Variants in ABCF3 observed in about 807,000 individuals in gnomAD.
The protein encoded by ABCF3 is ATP binding cassette subfamily F member 3, also known as ATP-binding cassette sub-family F member 3.
A neutral mutation model predicts 94.3 loss-of-function variants in ABCF3; 62 were observed. The observed-to-expected ratio is 0.66, with a 90% CI of 0.54 to 0.81. The LOEUF (loss-of-function observed/expected upper bound fraction) is 0.81. Among genes scored for constraint, ABCF3 ranks in the 40% least tolerant of loss-of-function variants. The pLI is 0.00. For synonymous variants in ABCF3, 355 were observed against 361.1 expected (o/e 0.98, Z 0.19); for missense variants, 843 against 925.3 (o/e 0.91, Z 1.15).
At chr3:184,187,242 TG>T (rs1314254785) in intron 3 of ABCF3, 154 bp from the exon 4 acceptor site, 10 of 849,206 alleles carry the variant, frequency 1.2e-5, no homozygotes, top group Non-Finnish European at 1.1e-5. Flanking sequence ...TGTTTTGTTT[TG>T]TTTTTAGTGC....
At chr3:184,186,349 C>T (rs557659623) in intron 1 of ABCF3, 69 bp downstream of exon 1, 1 of 1,606,828 alleles carries the variant, frequency 6.2e-7, no homozygotes, top group Middle Eastern at 1.7e-4. Flanking sequence ...AAGCGAGCGT[C>T]GTGCCCGGGA....
At chr3:184,190,811 A>C (rs1382429911) in intron 14 of ABCF3, 188 bp from the exon 15 acceptor site, 1 of 666,530 alleles carries the variant, frequency 1.5e-6, no homozygotes, top group African/African-American at 1.8e-5. Flanking sequence ...GTAACTGGGG[A>C]TAAAAAGTCA....
chr3:184,192,511 C>A, intron 16 of ABCF3, 90 bp from the exon 17 acceptor site: 2 of 1,233,216 alleles, frequency 1.6e-6, no homozygotes, highest in Non-Finnish European at 2.3e-6. Context: ...CTTCTATGTG[C>A]TCAACACTTT....
Position 184,187,283 on chromosome 3 carries a change from A to T in ABCF3, c.302-114A>T, listed in dbSNP as rs542586787. On this transcript the variant is annotated intron_variant, in intron 3 of 20. Transcript: ENST00000429586. ...AAGATAATAGCCATCTATCTGCAGT[A>T]TTATAAGGTTTTGTAGAAAACATCT... is the stretch of plus-strand genomic sequence containing the variant. 2.5e-5 allele frequency: 29 copies of T among 1,177,918 alleles called. No homozygotes were observed. The highest frequency in any genetic ancestry group is 3.6e-5 in the Non-Finnish European group (29 of 801,972). 73.0% of individuals were successfully genotyped at this position (1,177,918 alleles called of 1,614,324 possible).
rs766288163 is a variant in ABCF3, at chr3:184,187,446, G to A, written c.348+3G>A. ...TGCTAAAGAGGGAACAGTCCTCGGT[G>A]AGGAGGAGGAAGCAAGGGAGGGGAC... On this transcript the variant is annotated splice_donor_region_variant and intron_variant, in intron 4 of 20. Transcript: ENST00000429586. 4.3e-6 allele frequency: 7 copies of A among 1,612,956 alleles called. No individual in the cohort carries two copies. The South Asian group carries it at 5.5e-5, about 13-fold the overall frequency.
chr3:184,190,897 AG>A (rs1248487828), intron 14 of ABCF3, 101 bp from the exon 15 acceptor site: 2 of 1,320,534 alleles, frequency 1.5e-6, no homozygotes, highest in East Asian at 5.0e-5. Context: ...CCTGAGTGGT[AG>A]GAGTACAAGC....
Position 184,191,212 on chromosome 3 carries a change from G to T in ABCF3, c.1526G>T (p.Ser509Ile), listed in dbSNP as rs773011089. 17 of 1,614,106 alleles carry T rather than the reference G, an allele frequency of 1.1e-5. No homozygotes were observed. The highest frequency in any genetic ancestry group is 5.0e-5 in the Admixed American group (3 of 60,006). Reference sequence around the variant, plus strand: ...TACGATCCGAAGCACGTCATCTTCAGTCGCCTCTCTGTGTCTGCTGATCTC... The same window carrying T: ...TACGATCCGAAGCACGTCATCTTCATTCGCCTCTCTGTGTCTGCTGATCTC... The part of the protein sequence containing the change: ...FYYDPKHVIF[S>I]RLSVSADLES... Residue 509 changes from serine (S) to isoleucine (I), a missense_variant, in exon 16 of 21, where the codon AGT (serine) becomes ATT (isoleucine). Physicochemically the swap from Ser to Ile is moderately radical, Grantham distance 142. Coordinates refer to ENST00000429586, the MANE Select transcript of ABCF3 (RefSeq NM_018358.3).
intron 4 of ABCF3, 96 bp downstream of exon 4, chr3:184,187,539 C>T: frequency 6.5e-7 from 1 of 1,541,090 alleles, no homozygotes; most frequent in South Asian, 1.1e-5. Flanking sequence ...CTGACTATGT[C>T]TTTTCCTGAG....
In ABCF3 at chr3:184,187,765, A is replaced by G. The variant is rs780503051; in HGVS notation, c.446+4A>G. 6.2e-7 allele frequency: 1 copy of G among 1,614,176 alleles called. No homozygotes were observed. The highest frequency in any genetic ancestry group is 1.7e-5 in the Admixed American group (1 of 60,024). On this transcript the variant is annotated splice_donor_region_variant and intron_variant, in intron 5 of 20. Coordinates refer to ENST00000429586, the MANE Select transcript of ABCF3 (RefSeq NM_018358.3). ...CGCTCAAGACCAGCAACCCTCTGTG[A>G]GTGGGGGAAGCATGGCTCAGAAGAG...
Position 184,186,258 on chromosome 3 carries a change from A to G in ABCF3, c.51A>G (p.Gly17=). 1.2e-6 allele frequency: 2 copies of G among 1,614,232 alleles called. No homozygotes were observed. Among genetic ancestry groups the G allele is most frequent in the Non-Finnish European group, 1.7e-6 (2 of 1,180,042 alleles). ...GGAGCGAGTTCCCCGAAATTGACGG[A>G]CAAGTCTTCGACTACGTGACCGGTA... ...ILRSEFPEID[G]QVFDYVTGVL... Residue 17 remains glycine, a synonymous_variant, in exon 1 of 21, where the codon GGA becomes GGG. Transcript: ENST00000429586.
Position 184,193,749 on chromosome 3 carries a change from C to T in ABCF3, c.*51C>T, listed in dbSNP as rs1716182784. The stretch of plus-strand genomic sequence containing the variant: ...GGACATGGACTGGTCTCTCAGACCC[C>T]TGGGCCACCATGTAGGCCACCACTC... On this transcript the variant is annotated 3_prime_UTR_variant, in exon 21 of 21. Coordinates refer to ENST00000429586, the MANE Select transcript of ABCF3 (RefSeq NM_018358.3). This position sits in a 1 kb window ranked among gnomAD's most constrained non-coding sequence, Gnocchi z 5.2. 6.6e-7 allele frequency: 1 copy of T among 1,512,404 alleles called. No individual in the cohort carries two copies. The highest frequency in any genetic ancestry group is 8.9e-7 in the Non-Finnish European group (1 of 1,126,994). 93.7% of individuals were successfully genotyped at this position (1,512,404 alleles called of 1,614,324 possible). A position where few individuals can be genotyped will look rare whatever the true frequency, so the allele number is the denominator to read the frequency against.
Position 184,189,745 on chromosome 3 carries a change from C to T in ABCF3, c.1302C>T (p.Arg434=). ...QREYEAQQQY[R]QHIQVFIDRF... ...AATATGAGGCGCAGCAGCAGTATCG[C>T]CAGCACATCCAGGTGTGGGGCCTGG... is the stretch of plus-strand genomic sequence containing the variant. The change falls in exon 13 of 21, where the codon CGC becomes CGT. Residue 434 remains arginine (R), a synonymous_variant. Transcript: ENST00000429586. The T allele has an allele frequency of 1.9e-6, 3 of 1,613,932 alleles. No individual in the cohort carries two copies. The highest frequency in any genetic ancestry group is 1.3e-5 in the African/African-American group (1 of 75,060).
rs1328298696 is a variant in ABCF3, at chr3:184,193,791, C to G, written c.*93C>G. Reference sequence around the variant, plus strand: ...CCACCACTCCAGGCCGTGGACTTCCCCCAACTTGGGGACAGCCTTATTCCC... The same window carrying G: ...CCACCACTCCAGGCCGTGGACTTCCGCCAACTTGGGGACAGCCTTATTCCC... On this transcript the variant is annotated 3_prime_UTR_variant, in exon 21 of 21. Transcript: ENST00000429586. This position sits in a 1 kb window ranked among gnomAD's most constrained non-coding sequence, Gnocchi z 5.2. 1 of 1,399,318 alleles carries G rather than the reference C, an allele frequency of 7.1e-7. No homozygotes were observed. 86.7% of individuals were successfully genotyped at this position (1,399,318 alleles called of 1,614,324 possible).
rs1298466848 is a variant in ABCF3 at position 184,193,307 on chromosome 3, G to A, written c.1884-58G>A. On this transcript the variant is annotated intron_variant, in intron 19 of 20. Coordinates refer to ENST00000429586, the MANE Select transcript of ABCF3 (RefSeq NM_018358.3). The surrounding 1 kb of genome is among the most constrained non-coding windows in gnomAD (Gnocchi z 5.2). ...GCCCAGTAGAAAACTGTATCAGAAGGCTTTATTTTCTCTCACCGCACCCCT... is the reference window on the plus strand; with the variant it reads ...GCCCAGTAGAAAACTGTATCAGAAGACTTTATTTTCTCTCACCGCACCCCT... 1 of 1,612,518 alleles carries A rather than the reference G, an allele frequency of 6.2e-7. No homozygotes were observed. The highest frequency in any genetic ancestry group is 1.3e-5 in the African/African-American group (1 of 74,856).
intron 5 of ABCF3, 31 bp downstream of exon 5, chr3:184,187,792 G>C: frequency 6.2e-7 from 1 of 1,614,182 alleles, no homozygotes; most frequent in Non-Finnish European, 8.5e-7. Context: ...TCAGAAGAGA[G>C]CAGAGCAGCT....
intron 3 of ABCF3, 114 bp from the exon 4 acceptor site, chr3:184,187,283 A>G (rs542586787): frequency 9.0e-5 from 106 of 1,178,038 alleles, no homozygotes; most frequent in Non-Finnish European, 1.2e-4. Flanking sequence ...TATCTGCAGT[A>G]TTATAAGGTT....
intron 13 of ABCF3, 36 bp downstream of exon 13, chr3:184,189,793 G>C: frequency 1.2e-6 from 2 of 1,614,036 alleles, no homozygotes; most frequent in Non-Finnish European, 8.5e-7. Flanking sequence ...TCCCATCCCA[G>C]GGGTTCCAGA....
chr3:184,193,527 T>C lies in ABCF3; in HGVS notation c.1972-13T>C. 1 of 1,614,084 alleles carries C rather than the reference T, an allele frequency of 6.2e-7. No individual in the cohort carries two copies. Among genetic ancestry groups the C allele is most frequent in the Non-Finnish European group, 8.5e-7 (1 of 1,179,976 alleles). On this transcript the variant is annotated splice_polypyrimidine_tract_variant and intron_variant, in intron 20 of 20. Transcript: ENST00000429586. The surrounding 1 kb of genome is among the most constrained non-coding windows in gnomAD (Gnocchi z 5.2). ...GTGTCCCCCTGAGCACCTCCTGCCC[T>C]CCTGTCTTTCAGGGTGGTGTGATTC...
intron 8 of ABCF3, 32 bp from the exon 9 acceptor site, chr3:184,188,897 C>A: frequency 6.2e-7 from 1 of 1,614,190 alleles, no homozygotes; most frequent in Non-Finnish European, 8.5e-7. Flanking sequence ...GTGGACTGTT[C>A]CAACTGAGTT....
Sources: gnomAD v4.1 joint callset for allele counts on GRCh38, gnomAD v4.1.1 for gene constraint, Gnocchi (gnomAD v3.1) non-coding constraint, MANE v1.5 for transcripts, NCBI Gene and HGNC (gene_info 2026-07-23, HGNC 2026-07-21) for gene names.